The following AFG2A variants were observed in gnomAD, a reference collection of about 807,000 sequenced individuals.
AFG2A encodes the protein ATPase family gene 2 protein homolog A.
At chr4:123,121,982 A>G in the AFG2A span, among the ~76,000 whole-genome samples, 1 of 152,160 alleles carries the variant, frequency 6.6e-6, no homozygotes, top group Non-Finnish European at 1.5e-5. Flanking sequence ...TCACAAGGAT[A>G]TTATCACCTT....
At chr4:123,301,018 A>G in the AFG2A span, among the ~76,000 whole-genome samples, 22 of 152,192 alleles carry the variant, frequency 1.4e-4, no homozygotes, top group Admixed American at 1.4e-3. Flanking sequence ...AGCAGGTGTT[A>G]TTATGAAGCA....
chr4:123,075,559 C>G, the AFG2A span, among the ~76,000 whole-genome samples: 3 of 152,028 alleles, frequency 2.0e-5, no homozygotes, highest in African/African-American at 7.2e-5. Flanking sequence ...TTCGGCCTCG[C>G]AGAGTGCTGA....
At chr4:123,082,352 G>A in the AFG2A span, among the ~76,000 whole-genome samples, 31 of 152,180 alleles carry the variant, frequency 2.0e-4, no homozygotes, top group Admixed American at 2.0e-3. Flanking sequence ...GCATGTGGAT[G>A]TACACTTGTT....
At chr4:123,067,897 G>A in the AFG2A span, among the ~76,000 whole-genome samples, 3 of 152,218 alleles carry the variant, frequency 2.0e-5, no homozygotes, top group African/African-American at 2.4e-5. Context: ...AATCAAATGC[G>A]AAAACAATTG....
chr4:123,042,514 C>T, the AFG2A span, among the ~76,000 whole-genome samples: 2 of 152,120 alleles, frequency 1.3e-5, no homozygotes, highest in African/African-American at 4.8e-5. Flanking sequence ...TCCATAGCAG[C>T]ACCATACAAA....
At chr4:123,078,062 C>T in the AFG2A span, among the ~76,000 whole-genome samples, 49 of 152,212 alleles carry the variant, frequency 3.2e-4, no homozygotes, top group Admixed American at 7.2e-4. Flanking sequence ...TGGACGATTC[C>T]GTTAAAAGCA....
At chr4:122,964,013 A>G in the AFG2A span, among the ~76,000 whole-genome samples, 1 of 152,158 alleles carries the variant, frequency 6.6e-6, no homozygotes, top group Admixed American at 6.5e-5. Flanking sequence ...CTCTTGGCAT[A>G]CAAATTGTAC....
At chr4:123,210,859 T>C in the AFG2A span, among the ~76,000 whole-genome samples, 1 of 152,130 alleles carries the variant, frequency 6.6e-6, no homozygotes, top group East Asian at 1.9e-4. Flanking sequence ...CAACCCTAAT[T>C]TTTTTATCTT....
chr4:123,193,693 AT>A, the AFG2A span, among the ~76,000 whole-genome samples: 1 of 152,234 alleles, frequency 6.6e-6, no homozygotes, highest in African/African-American at 2.4e-5. Context: ...CTAATATGCA[AT>A]GTATTTTTTG....
the AFG2A span, among the ~76,000 whole-genome samples, chr4:122,944,956 T>C: frequency 2.0e-5 from 3 of 152,186 alleles, no homozygotes; most frequent in African/African-American, 7.2e-5. Context: ...CAGTGGATTT[T>C]CCTGAACCGC....
the AFG2A span, among the ~76,000 whole-genome samples, chr4:123,162,713 G>T: frequency 6.6e-6 from 1 of 152,066 alleles, no homozygotes; most frequent in East Asian, 1.9e-4. Context: ...ATTTTATAAG[G>T]AGTCATCATG....
the AFG2A span, among the ~76,000 whole-genome samples, chr4:123,172,035 T>A: frequency 6.6e-6 from 1 of 152,174 alleles, no homozygotes; most frequent in Non-Finnish European, 1.5e-5. Context: ...TTTTCTATAT[T>A]TTTTTCCTTT....
chr4:123,103,639 G>A, the AFG2A span, among the ~76,000 whole-genome samples: 9 of 151,916 alleles, frequency 5.9e-5, no homozygotes, highest in Admixed American at 2.6e-4. Context: ...CATAGTATCC[G>A]ACAATCTCAG....
At chr4:123,132,856 C>T in the AFG2A span, among the ~76,000 whole-genome samples, 1 of 150,048 alleles carries the variant, frequency 6.7e-6, no homozygotes, top group Non-Finnish European at 1.5e-5. Context: ...TCTTGGCTCA[C>T]TGCAAGCCCC....
At chr4:123,003,768 C>T in the AFG2A span, among the ~76,000 whole-genome samples, 15 of 151,986 alleles carry the variant, frequency 9.9e-5, no homozygotes, top group African/African-American at 3.4e-4. Context: ...CAGGGACCCA[C>T]TTGAGGAGGC....
the AFG2A span, among the ~76,000 whole-genome samples, chr4:122,963,523 G>T: frequency 6.6e-6 from 1 of 152,190 alleles, no homozygotes; most frequent in Non-Finnish European, 1.5e-5. Flanking sequence ...GCTCTCTGAG[G>T]TTCTCTTTAT....
the AFG2A span, among the ~76,000 whole-genome samples, chr4:123,052,751 A>G: frequency 2.6e-5 from 4 of 152,136 alleles, no homozygotes; most frequent in African/African-American, 9.7e-5. Context: ...AGGAGAATTG[A>G]CTCACATGAT....
chr4:123,176,635 G>C, the AFG2A span, among the ~76,000 whole-genome samples: 1 of 152,120 alleles, frequency 6.6e-6, no homozygotes, highest in Non-Finnish European at 1.5e-5. Flanking sequence ...AGCCAATATT[G>C]GGGGTGAAAG....
At chr4:122,947,282 A>G in the AFG2A span, 1 of 1,612,402 alleles carries the variant, frequency 6.2e-7, no homozygotes, top group Non-Finnish European at 8.5e-7. Flanking sequence ...AATCGCCCTC[A>G]TGCCTTGGAT....
Sources: gnomAD v4.1 joint callset for allele counts (sites outside exome capture counted in the v4.1 genomes callset) on GRCh38, gnomAD v4.1.1 for gene constraint, MANE v1.5 for transcripts, NCBI Gene and HGNC (gene_info 2026-07-23, HGNC 2026-07-21) for gene names.